ZNF618: variants seen among roughly 807,000 people sequenced by gnomAD.
ZNF618 encodes zinc finger protein 618, also known as neural precursor cell expressed, developmentally down-regulated 10.
In ZNF618, 34 loss-of-function variants were observed where a neutral mutation model predicts 103.0. The observed-to-expected ratio is 0.33, with a 90% CI of 0.25 to 0.44. ZNF618 has a LOEUF of 0.44. ZNF618 is among the 20% of genes least tolerant of loss of function. ZNF618 has a pLI of 1.00. For synonymous variants in ZNF618, 551 were observed against 542.2 expected (o/e 1.02, Z -0.23); for missense variants, 1,059 against 1,295.4 (o/e 0.82, Z 2.80).
In ZNF618 at chr9:114,008,548, G is replaced by A. The variant is rs772053818; in HGVS notation, c.748G>A (p.Gly250Arg). Reference protein sequence around the residue: ...EEPPEPFQKIGPKTGNYTCEF... With the variant: ...EEPPEPFQKIRPKTGNYTCEF... ...GCCCCCGGAGCCATTCCAGAAAATC[G>A]GGCCAAGTATGCGGGATTCCCTCTG... Residue 250 changes from glycine (G) to arginine (R), a missense_variant, in exon 9 of 15, where the codon GGG becomes AGG. Physicochemically the swap from Gly to Arg is moderately radical, Grantham distance 125. Transcript: ENST00000374126. The A allele has an allele frequency of 4.3e-6, 7 of 1,613,810 alleles. No homozygotes were observed. The South Asian group carries it at 7.7e-5, about 18-fold the overall frequency.
intron 1 of ZNF618, among the ~76,000 whole-genome samples, chr9:113,881,802 A>G (rs374548416): frequency 1.3e-5 from 2 of 152,228 alleles, no homozygotes; most frequent in African/African-American, 4.8e-5. Context: ...AGTTCCATCC[A>G]TATAGCTCTC....
chr9:113,969,016 G>A (rs1286183403), intron 1 of ZNF618, 101 bp from the exon 2 acceptor site: 1 of 1,363,936 alleles, frequency 7.3e-7, no homozygotes, highest in African/African-American at 1.4e-5. Flanking sequence ...TCACCCCACA[G>A]TGTGAAGGCT....
At chr9:113,942,907 C>G (rs1834678700) in intron 1 of ZNF618, among the ~76,000 whole-genome samples, 1 of 152,186 alleles carries the variant, frequency 6.6e-6, no homozygotes, top group South Asian at 2.1e-4. Flanking sequence ...GAGTCACCCC[C>G]AAACTCCATA....
intron 2 of ZNF618, among the ~76,000 whole-genome samples, chr9:113,978,727 C>G (rs1838709713): frequency 6.6e-6 from 1 of 152,190 alleles, no homozygotes. Context: ...TCAGACAGAC[C>G]TGGTGGAATT....
chr9:113,969,658 G>C (rs1837763364), intron 2 of ZNF618, among the ~76,000 whole-genome samples: 1 of 152,196 alleles, frequency 6.6e-6, no homozygotes, highest in Non-Finnish European at 1.5e-5. Flanking sequence ...AGGGGAGAGG[G>C]GTGGTCCCCA....
At chr9:114,031,735 T>C (rs867195579) in intron 11 of ZNF618, among the ~76,000 whole-genome samples, 1 of 152,294 alleles carries the variant, frequency 6.6e-6, no homozygotes, top group South Asian at 2.1e-4. Flanking sequence ...TTGATATCTT[T>C]GGGCAAATTG....
chr9:113,889,111 A>G (rs1050244988), intron 1 of ZNF618, among the ~76,000 whole-genome samples: 1 of 152,150 alleles, frequency 6.6e-6, no homozygotes, highest in Admixed American at 6.5e-5. Context: ...TAACGCAACA[A>G]TGATCATTTA....
intron 1 of ZNF618, among the ~76,000 whole-genome samples, chr9:113,931,139 A>G (rs1833547020): frequency 6.6e-6 from 1 of 152,182 alleles, no homozygotes; most frequent in Non-Finnish European, 1.5e-5. Context: ...AAGGGCAGAG[A>G]GGTGCTGTGG....
chr9:113,997,135 T>C (rs2133511414), intron 3 of ZNF618, among the ~76,000 whole-genome samples: 1 of 152,004 alleles, frequency 6.6e-6, no homozygotes, highest in South Asian at 2.1e-4. Context: ...TGAGATAGGG[T>C]CTTACTCTGT....
At chr9:113,916,643 G>A (rs1288709681) in intron 1 of ZNF618, among the ~76,000 whole-genome samples, 1 of 152,216 alleles carries the variant, frequency 6.6e-6, no homozygotes, top group Non-Finnish European at 1.5e-5. Flanking sequence ...TTACCCTGGT[G>A]TGAGCGTGCC....
At chr9:113,901,109 C>T (rs1830502322) in intron 1 of ZNF618, among the ~76,000 whole-genome samples, 1 of 147,432 alleles carries the variant, frequency 6.8e-6, no homozygotes, top group African/African-American at 2.5e-5. Flanking sequence ...CTCCCGCAAA[C>T]CCGACCTCCT....
intron 6 of ZNF618, among the ~76,000 whole-genome samples, 158 bp from the exon 7 acceptor site, chr9:114,007,190 TCC>T (rs1841828018): frequency 6.6e-6 from 1 of 152,100 alleles, no homozygotes; most frequent in Admixed American, 6.5e-5. Context: ...TCCCTTCTGA[TCC>T]TCAGTTTCCT....
At chr9:113,919,296 A>T (rs1174908653) in intron 1 of ZNF618, among the ~76,000 whole-genome samples, 1 of 151,564 alleles carries the variant, frequency 6.6e-6, no homozygotes. Flanking sequence ...AGGTCCTGGG[A>T]CCCCCACTGG....
chr9:114,040,326 T>C (rs988188516), intron 13 of ZNF618, among the ~76,000 whole-genome samples: 2 of 146,684 alleles, frequency 1.4e-5, no homozygotes, highest in African/African-American at 4.9e-5. Flanking sequence ...GAAAGGCTAC[T>C]TGTTTTCTTT....
chr9:113,948,607 G>A (rs920346346), intron 1 of ZNF618, among the ~76,000 whole-genome samples: 5 of 152,210 alleles, frequency 3.3e-5, no homozygotes, highest in Admixed American at 1.3e-4. Flanking sequence ...TTATTTAACT[G>A]GATGTGCCTG....
At position 114,022,601 on chromosome 9, in the gene ZNF618, C is replaced by CAAAAAAAAAAAAAAAAAAAA. The variant is rs56235947; in HGVS notation, c.844+5818_844+5837dup. ...TGCTGCGGTTTCATGTCCACTTGAC[C>CAAAAAAAAAAAAAAAAAAAA]AAAAAAAAAAAAAAAAAAAAGGCAT... On this transcript the variant is annotated intron_variant, in intron 10 of 14. Coordinates refer to ENST00000374126, the MANE Select transcript of ZNF618 (RefSeq NM_001318042.2). Among the ~76,000 whole-genome samples the CAAAAAAAAAAAAAAAAAAAA allele has an allele frequency of 2.2e-5, 2 of 90,788 alleles. 1 individual carries two copies. The allele number at this position is 90,788 out of a possible 152,430, so 59.6% of individuals were successfully genotyped here.
intron 1 of ZNF618, among the ~76,000 whole-genome samples, chr9:113,935,133 A>C (rs988719832): frequency 6.6e-6 from 1 of 152,158 alleles, no homozygotes; most frequent in Non-Finnish European, 1.5e-5. Flanking sequence ...GGGGCTGCCG[A>C]CGAGGGTCCC....
intron 1 of ZNF618, among the ~76,000 whole-genome samples, chr9:113,919,477 G>A (rs1461736496): frequency 6.6e-6 from 1 of 152,256 alleles, no homozygotes; most frequent in Non-Finnish European, 1.5e-5. Flanking sequence ...TTGTATGTGT[G>A]TGTGCATCCC....
At chr9:113,996,629 T>C (rs1840621606) in intron 3 of ZNF618, among the ~76,000 whole-genome samples, 2 of 152,126 alleles carry the variant, frequency 1.3e-5, no homozygotes, top group Admixed American at 1.3e-4. Flanking sequence ...CTCGGATTAG[T>C]TGGGATGGCG....
Sources: gnomAD v4.1 joint callset for allele counts (sites outside exome capture counted in the v4.1 genomes callset) on GRCh38, gnomAD v4.1.1 for gene constraint, MANE v1.5 for transcripts, NCBI Gene and HGNC (gene_info 2026-07-23, HGNC 2026-07-21) for gene names.